The following ZNF483 variants were observed in gnomAD, a reference collection of about 807,000 sequenced individuals.
ZNF483 encodes the protein zinc finger protein HIT-10.
ZNF483 carries 9 observed loss-of-function variants against 28.6 expected under a neutral mutation model. The observed-to-expected ratio is 0.32, with a 90% CI of 0.19 to 0.55. The LOEUF is 0.55. ZNF483 is among the 20% of genes least tolerant of loss of function. The pLI, the probability that ZNF483 is intolerant of heterozygous loss-of-function variation, is 0.93. For synonymous variants in ZNF483, 322 were observed against 306.2 expected, an observed-to-expected ratio of 1.05 and a Z score of -0.54; for missense variants, 675 against 871.7, an observed-to-expected ratio of 0.77 and a Z score of 2.84.
chr9:111,535,566 A>ACTCTGTCTTT lies in ZNF483; in HGVS notation c.721+1213_721+1214insCTCTGTCTTT, dbSNP rs1827472375. Among the ~76,000 whole-genome samples the ACTCTGTCTTT allele has an allele frequency of 1.2e-4, 19 of 152,330 alleles. 1 individual carries two copies. In the South Asian group the frequency reaches 3.9e-3, roughly 32 times the overall value. Reference sequence around the variant, plus strand: ...TTAGGTTTTGTTTTGTTTTCTTGAGATGGAGTCTTGCTCTGTCACCAGGCT... The same window carrying ACTCTGTCTTT: ...TTAGGTTTTGTTTTGTTTTCTTGAGACTCTGTCTTTTGGAGTCTTGCTCTGTCACCAGGCT... On this transcript the variant is annotated intron_variant, in intron 5 of 5. Coordinates refer to ENST00000309235, the MANE Select transcript of ZNF483 (RefSeq NM_133464.5).
At chr9:111,574,626 T>A in intron 5 of ZNF483, 2 of 697,730 alleles carry the variant, frequency 2.9e-6, no homozygotes, top group East Asian at 3.0e-5. Context: ...AAAAAGAATA[T>A]ATGAAAATCT....
chr9:111,548,499 T>C lies in ZNF483; in HGVS notation c.*5329T>C, dbSNP rs962579572. ...TGCTGAATTTGTTTATTAGTCATAA[T>C]AGTTTCTTGTGAAATTTTTGGGATT... On this transcript the variant is annotated 3_prime_UTR_variant, in exon 6 of 6. Transcript: ENST00000309235. 2.6e-5 allele frequency among the ~76,000 whole-genome samples: 4 copies of C among 152,222 alleles called. No homozygotes were observed. The highest frequency in any genetic ancestry group is 7.2e-5 in the African/African-American group (3 of 41,458).
intron 2 of ZNF483, among the ~76,000 whole-genome samples, chr9:111,530,624 G>A (rs903681643): frequency 6.6e-6 from 1 of 150,556 alleles, no homozygotes; most frequent in Admixed American, 6.6e-5. Flanking sequence ...GGTGCCTGCT[G>A]GGGAGTCCAA....
chr9:111,543,123 A>T lies in ZNF483; in HGVS notation c.2188A>T (p.Ser730Cys), dbSNP rs575383971. The change falls in exon 6 of 6, where the codon AGT (serine) becomes TGT (cysteine). Residue 730 changes from serine to cysteine, a missense_variant. Around this residue, in one of 6 missense-constraint regions of ZNF483, gnomAD observed 55 missense variants for 72.4 expected, o/e 0.76. Coordinates refer to ENST00000309235, the MANE Select transcript of ZNF483 (RefSeq NM_133464.5). ...ECNECEKTFK[S>C]NSGLIRHRGF... ...TAACGAATGTGAGAAGACATTTAAA[A>T]GTAATTCAGGCCTCATTAGACATCG... 1 of 1,613,836 alleles carries T rather than the reference A, an allele frequency of 6.2e-7. No homozygotes were observed. The highest frequency in any genetic ancestry group is 1.3e-5 in the African/African-American group (1 of 75,062).
rs1401176796 is a variant in ZNF483 at position 111,543,134 on chromosome 9, C to T, written c.2199C>T (p.Gly733=). The T allele has an allele frequency of 6.2e-7, 1 of 1,611,640 alleles. No individual in the cohort carries two copies. The highest frequency in any genetic ancestry group is 1.1e-5 in the South Asian group (1 of 90,718). ...ECEKTFKSNS[G]LIRHRGFHSA... ...AGAAGACATTTAAAAGTAATTCAGGCCTCATTAGACATCGGGGATTTCACT... is the reference window on the plus strand; with the variant it reads ...AGAAGACATTTAAAAGTAATTCAGGTCTCATTAGACATCGGGGATTTCACT... Residue 733 remains glycine, a synonymous_variant, in exon 6 of 6, where the codon GGC becomes GGT. Transcript: ENST00000309235.
chr9:111,551,492 C>G lies in ZNF483; in HGVS notation c.*8322C>G, dbSNP rs1322673500. On this transcript the variant is annotated 3_prime_UTR_variant, in exon 6 of 6. Transcript: ENST00000309235. ...GCGCAATCTTGGTCCACTGCAACCT[C>G]CGCCTCCTGGGTTCCAGCAATTCTC... Among the ~76,000 whole-genome samples the G allele has an allele frequency of 6.7e-6, 1 of 149,306 alleles. No individual in the cohort carries two copies. Among genetic ancestry groups the G allele is most frequent in the African/African-American group, 2.5e-5 (1 of 40,574 alleles).
rs1209869336 is a variant in ZNF483 at position 111,548,367 on chromosome 9, G to A, written c.*5197G>A. 6.6e-6 allele frequency among the ~76,000 whole-genome samples: 1 copy of A among 152,104 alleles called. No homozygotes were observed. Among genetic ancestry groups the A allele is most frequent in the East Asian group, 1.9e-4 (1 of 5,196 alleles). On this transcript the variant is annotated 3_prime_UTR_variant, in exon 6 of 6. Transcript: ENST00000309235. ...CATTGTACAAGTCTTTTGCCTCCTT[G>A]GTCAAGTTTATTCTTGAGTATTTTA... is the stretch of plus-strand genomic sequence containing the variant.
intron 5 of ZNF483, chr9:111,539,760 TC>T: frequency 2.0e-5 from 3 of 151,144 alleles, no homozygotes; most frequent in Non-Finnish European, 4.1e-5. Context: ...AAACTCCGTC[TC>T]AAAAAAAAAA....
At chr9:111,557,421 G>A (rs1343415315), downstream of ZNF483, among the ~76,000 whole-genome samples, 5 of 146,188 alleles carry the variant, frequency 3.4e-5, no homozygotes, top group Admixed American at 6.9e-5. Context: ...GTACCATGCC[G>A]TTGAACAGGA....
At chr9:111,563,036 T>C in intron 5 of ZNF483, 2 of 1,534,828 alleles carry the variant, frequency 1.3e-6, no homozygotes, top group Non-Finnish European at 1.8e-6. Context: ...TTAAGACATT[T>C]AAGGTAGTAT....
intron 2 of ZNF483, 59 bp from the exon 3 acceptor site, chr9:111,530,816 A>ATATATATAT (rs1564591312): frequency 5.5e-6 from 1 of 181,976 alleles, no homozygotes; most frequent in Non-Finnish European, 1.2e-5. Context: ...TATATATATA[A>ATATATATAT]GATTTTTAGT....
Position 111,530,939 on chromosome 9 carries a change from T to C in ZNF483, c.477T>C (p.Thr159=), listed in dbSNP as rs1329088727. The change falls in exon 3 of 6, where the codon ACT becomes ACC. Residue 159 remains threonine, a synonymous_variant. Coordinates refer to ENST00000309235, the MANE Select transcript of ZNF483 (RefSeq NM_133464.5). ...EENSKEDKMV[T]VCPNTESCES... ...ACTCAAAAGAGGATAAAATGGTCACTGTTTGTCCCAATACTGAGTCCTGTG... is the reference window on the plus strand; with the variant it reads ...ACTCAAAAGAGGATAAAATGGTCACCGTTTGTCCCAATACTGAGTCCTGTG... The C allele has an allele frequency of 1.3e-6, 2 of 1,556,886 alleles. No individual in the cohort carries two copies. The highest frequency in any genetic ancestry group is 2.7e-5 in the African/African-American group (2 of 73,816).
At chr9:111,527,005 T>C (rs1371072241) in intron 1 of ZNF483, among the ~76,000 whole-genome samples, 1 of 151,672 alleles carries the variant, frequency 6.6e-6, no homozygotes, top group African/African-American at 2.4e-5. Flanking sequence ...GAGGCTGAGG[T>C]AGGAGAATCA....
At chr9:111,569,403 A>G (rs373014590) in intron 5 of ZNF483, among the ~76,000 whole-genome samples, 4 of 152,236 alleles carry the variant, frequency 2.6e-5, no homozygotes, top group South Asian at 4.1e-4. Context: ...AATGATCACT[A>G]TGAAATATTT....
At chr9:111,577,112 C>A (rs1021800592) in exon 6 of ZNF483, 5 of 151,844 alleles carry the variant, frequency 3.3e-5, no homozygotes, top group Non-Finnish European at 7.4e-5. Flanking sequence ...AATCTTACAA[C>A]CTCACAAATA....
intron 5 of ZNF483, among the ~76,000 whole-genome samples, chr9:111,568,388 T>C (rs1564612147): frequency 6.6e-6 from 1 of 152,094 alleles, no homozygotes; most frequent in Non-Finnish European, 1.5e-5. Flanking sequence ...CTTATTAGGG[T>C]GGGGGAAAAA....
At chr9:111,560,980 G>T (rs562139758) in intron 5 of ZNF483, among the ~76,000 whole-genome samples, 724 of 29,836 alleles carry the variant, frequency 0.024, 31 homozygotes, top group East Asian at 0.043. Flanking sequence ...TATATAGAGA[G>T]AGAGAGAGAG....
intron 5 of ZNF483, among the ~76,000 whole-genome samples, chr9:111,536,186 C>T (rs1039771171): frequency 4.6e-5 from 7 of 151,176 alleles, no homozygotes; most frequent in African/African-American, 9.7e-5. Flanking sequence ...CCACTGTGCC[C>T]GGCCACAATT....
At position 111,541,738 on chromosome 9, in the gene ZNF483, G is replaced by T. The variant is rs779119077; in HGVS notation, c.803G>T (p.Cys268Phe). The T allele has an allele frequency of 6.2e-7, 1 of 1,614,074 alleles. No individual in the cohort carries two copies. The highest frequency in any genetic ancestry group is 1.3e-5 in the African/African-American group (1 of 74,922). The change falls in exon 6 of 6, where the codon TGT becomes TTT. Residue 268 changes from cysteine to phenylalanine, a missense_variant. Cys to Phe is a radical substitution (Grantham distance 205). This residue lies in a region of ZNF483 where 525 missense variants were observed against 581.8 expected (regional missense o/e 0.90). Coordinates refer to ENST00000309235, the MANE Select transcript of ZNF483 (RefSeq NM_133464.5). The stretch of plus-strand genomic sequence containing the variant: ...TTGATGGAAGAATCCCAGCAATATT[G>T]TGGCAGCTCAGAGGAGGATCACGGT... ...HGLMEESQQY[C>F]GSSEEDHGNQ...
Sources: allele counts gnomAD v4.1 joint callset (sites outside exome capture counted in the v4.1 genomes callset), GRCh38; gene constraint gnomAD v4.1.1; regional missense constraint gnomAD v4.1.1; transcripts MANE v1.5; gene names NCBI Gene and HGNC (gene_info 2026-07-23, HGNC 2026-07-21).